The following CWC15 variants were observed in gnomAD, a reference collection of about 807,000 sequenced individuals.
CWC15 encodes CWC15 spliceosome associated protein.
In CWC15, 12 loss-of-function variants were observed where a neutral mutation model predicts 28.4. The observed-to-expected ratio is 0.42, with a 90% CI of 0.27 to 0.69. CWC15 has a LOEUF of 0.69. Ranked by LOEUF, CWC15 falls within the 30% of genes least tolerant of loss-of-function variation. The pLI, the probability that CWC15 is intolerant of heterozygous loss-of-function variation, is 0.23. For synonymous variants in CWC15, 92 were observed against 88.4 expected (o/e 1.04, Z -0.23); for missense variants, 192 against 271.5 (o/e 0.71, Z 2.06).
In CWC15 at chr11:94,966,260, C is replaced by G. The variant is rs587652312; in HGVS notation, c.560+35G>C. On this transcript the variant is annotated intron_variant, in intron 6 of 6. Coordinates refer to ENST00000279839, the MANE Select transcript of CWC15 (RefSeq NM_016403.4). ...ACACACACACACACACACACACACACACACACACTCCATTACTCCGTTACT... is the reference window on the plus strand; with the variant it reads ...ACACACACACACACACACACACACAGACACACACTCCATTACTCCGTTACT... 18 of 1,085,470 alleles carry G rather than the reference C, an allele frequency of 1.7e-5. No individual in the cohort carries two copies. In the African/African-American group the frequency reaches 2.3e-4, roughly 14 times the overall value. 67.2% of individuals were successfully genotyped at this position (1,085,470 alleles called of 1,614,324 possible).
intron 6 of CWC15, among the ~76,000 whole-genome samples, chr11:94,964,283 T>G (rs1441328135): frequency 6.6e-6 from 1 of 152,206 alleles, no homozygotes; most frequent in African/African-American, 2.4e-5. Flanking sequence ...ATGTGTGTGT[T>G]TATGTGTGCA....
chr11:94,966,439 A>T (rs1555095316), intron 5 of CWC15, 26 bp from the exon 6 acceptor site: 17 of 1,452,444 alleles, frequency 1.2e-5, no homozygotes, highest in Non-Finnish European at 1.4e-5. Flanking sequence ...GAAGATTAAC[A>T]CTTACTTATT....
intron 3 of CWC15, 21 bp downstream of exon 3, chr11:94,971,354 T>C (rs1278899742): frequency 1.3e-6 from 2 of 1,543,600 alleles, no homozygotes; most frequent in African/African-American, 1.4e-5. Flanking sequence ...ATGAGACAAA[T>C]GTCTTGGATA....
At chr11:94,968,208 G>A (rs1356533780) in intron 5 of CWC15, among the ~76,000 whole-genome samples, 1 of 152,138 alleles carries the variant, frequency 6.6e-6, no homozygotes, top group Non-Finnish European at 1.5e-5. Flanking sequence ...TAACAGTGGA[G>A]GTGAGTAGGT....
chr11:94,968,447 G>A (rs1857675386), intron 5 of CWC15, among the ~76,000 whole-genome samples: 1 of 152,132 alleles, frequency 6.6e-6, no homozygotes, highest in Non-Finnish European at 1.5e-5. Context: ...AAAACTGCAA[G>A]GCCTTCTGTC....
At chr11:94,971,731 A>G (rs1301378126) in intron 2 of CWC15, among the ~76,000 whole-genome samples, 1 of 152,244 alleles carries the variant, frequency 6.6e-6, no homozygotes, top group Non-Finnish European at 1.5e-5. Context: ...ACAGTGATTA[A>G]AATGTCTTTA....
At chr11:94,968,471 C>T (rs1429614108) in intron 5 of CWC15, among the ~76,000 whole-genome samples, 1 of 152,166 alleles carries the variant, frequency 6.6e-6, no homozygotes, top group Non-Finnish European at 1.5e-5. Flanking sequence ...AATGTTTATC[C>T]TCCCTCAAGG....
intron 6 of CWC15, among the ~76,000 whole-genome samples, chr11:94,965,671 C>T (rs782191120): frequency 2.0e-5 from 3 of 152,206 alleles, no homozygotes; most frequent in Admixed American, 6.5e-5. Flanking sequence ...ACATGACTAG[C>T]CACTCCCAGT....
intron 6 of CWC15, among the ~76,000 whole-genome samples, chr11:94,964,777 A>G (rs1215551181): frequency 6.6e-6 from 1 of 152,232 alleles, no homozygotes; most frequent in Non-Finnish European, 1.5e-5. Flanking sequence ...GCACTTGTAT[A>G]ATGTTTAGAG....
chr11:94,973,294 AGGCGAGCTG>A (rs1857756621), intron 1 of CWC15, 195 bp downstream of exon 1: 1 of 151,972 alleles, frequency 6.6e-6, no homozygotes, highest in Non-Finnish European at 1.5e-5. Flanking sequence ...TTTACGCAGT[AGGCGAGCTG>A]CCTGTACGCT....
intron 4 of CWC15, 45 bp from the exon 5 acceptor site, chr11:94,970,141 A>T (rs1555095959): frequency 1.0e-6 from 1 of 969,124 alleles, no homozygotes; most frequent in Non-Finnish European, 1.6e-6. Flanking sequence ...GAAAATACAC[A>T]CTACCAAAAC....
At chr11:94,965,783 A>G (rs1857631645) in intron 6 of CWC15, among the ~76,000 whole-genome samples, 1 of 152,142 alleles carries the variant, frequency 6.6e-6, no homozygotes, top group Non-Finnish European at 1.5e-5. Context: ...CTGTGTGACC[A>G]CTCATGGAAG....
intron 4 of CWC15, 93 bp downstream of exon 4, chr11:94,970,878 CATAAAT>C (rs1167450387): frequency 3.0e-6 from 3 of 996,300 alleles, no homozygotes; most frequent in African/African-American, 1.6e-5. Context: ...AGTAACTAAA[CATAAAT>C]ATATGTCACT....
At chr11:94,970,735 T>A in intron 4 of CWC15, 2 of 491,664 alleles carry the variant, frequency 4.1e-6, no homozygotes, top group East Asian at 7.5e-5. Flanking sequence ...GGAAAGCATA[T>A]CCTTTTATAG....
Position 94,971,084 on chromosome 11 carries a change from CA to C in CWC15, c.245-20del. On this transcript the variant is annotated intron_variant, in intron 3 of 6. Coordinates refer to ENST00000279839, the MANE Select transcript of CWC15 (RefSeq NM_016403.4). ...GTATGTTCTGGGGGGAAACAAAAAT[CA>C]TTTAACTTAGTAAAACAAATACTTC... 6.3e-7 allele frequency: 1 copy of C among 1,589,868 alleles called. No individual in the cohort carries two copies. The highest frequency in any genetic ancestry group is 1.1e-5 in the South Asian group (1 of 90,574).
intron 1 of CWC15, among the ~76,000 whole-genome samples, chr11:94,972,980 C>T (rs1857746473): frequency 7.3e-6 from 1 of 137,022 alleles, no homozygotes; most frequent in African/African-American, 2.7e-5. Context: ...CAGATGCAGT[C>T]ACTAAAACCC....
chr11:94,966,474 A>T (rs1857645164), intron 5 of CWC15, 61 bp from the exon 6 acceptor site: 2 of 1,033,016 alleles, frequency 1.9e-6, no homozygotes, highest in Admixed American at 2.9e-5. Context: ...AATTTTTTTT[A>T]TATTAGCTCA....
chr11:94,972,880 C>A (rs1271002017), intron 1 of CWC15, among the ~76,000 whole-genome samples: 5 of 152,128 alleles, frequency 3.3e-5, no homozygotes, highest in Non-Finnish European at 7.3e-5. Flanking sequence ...AAAACAGGAA[C>A]CTCACCCCCA....
At chr11:94,970,402 C>A in intron 4 of CWC15, 1 of 206,900 alleles carries the variant, frequency 4.8e-6, no homozygotes. Flanking sequence ...TTAGATATTA[C>A]TCATTGGATG....
Sources: allele counts gnomAD v4.1 joint callset (sites outside exome capture counted in the v4.1 genomes callset), GRCh38; gene constraint gnomAD v4.1.1; transcripts MANE v1.5; gene names NCBI Gene and HGNC (gene_info 2026-07-23, HGNC 2026-07-21).